Variants in CPNE8 observed in about 807,000 individuals in gnomAD.
CPNE8 encodes copine-8.
A neutral mutation model predicts 81.5 loss-of-function variants in CPNE8; 45 were observed. The observed-to-expected ratio is 0.55, with a 90% CI of 0.44 to 0.71. The LOEUF is 0.71. Ranked by LOEUF, CPNE8 falls within the 30% of genes least tolerant of loss-of-function variation. The probability of loss-of-function intolerance (pLI) is 0.00; values close to 1 mark genes in which losing one functional copy is unlikely to be tolerated. For missense variants in CPNE8, 594 were observed against 672.1 expected, an observed-to-expected ratio of 0.88 and a Z score of 1.28; for synonymous variants, 252 against 226.3, an observed-to-expected ratio of 1.11 and a Z score of -1.02.
intron 13 of CPNE8, among the ~76,000 whole-genome samples, chr12:38,716,740 A>G (rs1940402708): frequency 6.6e-6 from 1 of 152,160 alleles, no homozygotes; most frequent in Non-Finnish European, 1.5e-5. Flanking sequence ...CAAAGAATTC[A>G]TGACTAAGAA....
At chr12:38,668,914 C>A (rs1056390087) in intron 19 of CPNE8, among the ~76,000 whole-genome samples, 4 of 151,846 alleles carry the variant, frequency 2.6e-5, no homozygotes, top group African/African-American at 9.7e-5. Flanking sequence ...ATTAGCTGGG[C>A]ATGGTGGCAG....
intron 18 of CPNE8, among the ~76,000 whole-genome samples, chr12:38,675,174 G>A (rs1450604760): frequency 6.6e-6 from 1 of 152,136 alleles, no homozygotes; most frequent in Non-Finnish European, 1.5e-5. Flanking sequence ...CAGCTGGTCA[G>A]CTCCATTTTC....
chr12:38,711,481 T>C (rs1940256092), intron 13 of CPNE8, among the ~76,000 whole-genome samples: 2 of 152,070 alleles, frequency 1.3e-5, no homozygotes, highest in African/African-American at 2.4e-5. Flanking sequence ...TTTTTTTTTT[T>C]TTTCCAGATG....
intron 6 of CPNE8, among the ~76,000 whole-genome samples, chr12:38,810,710 G>A (rs1315287929): frequency 6.6e-6 from 1 of 152,070 alleles, no homozygotes; most frequent in Non-Finnish European, 1.5e-5. Context: ...ATTTCAGTAG[G>A]ATCAGCTAAG....
chr12:38,812,605 A>G (rs1373670333), intron 6 of CPNE8, among the ~76,000 whole-genome samples: 2 of 152,296 alleles, frequency 1.3e-5, no homozygotes, highest in Admixed American at 6.5e-5. Flanking sequence ...TGTGGGGATT[A>G]CAGGAACTAC....
chr12:38,839,686 A>G (rs943032110), intron 5 of CPNE8, among the ~76,000 whole-genome samples: 2 of 152,254 alleles, frequency 1.3e-5, no homozygotes, highest in African/African-American at 4.8e-5. Flanking sequence ...CTGAAAAAAT[A>G]AAGATTAAAA....
At chr12:38,658,907 T>C (rs1457204610) in intron 19 of CPNE8, among the ~76,000 whole-genome samples, 1 of 152,036 alleles carries the variant, frequency 6.6e-6, no homozygotes, top group Non-Finnish European at 1.5e-5. Context: ...AAACACTAAA[T>C]ATGGAAAGGA....
intron 4 of CPNE8, among the ~76,000 whole-genome samples, chr12:38,845,609 T>C (rs1943544975): frequency 6.6e-6 from 1 of 151,968 alleles, no homozygotes; most frequent in Non-Finnish European, 1.5e-5. Context: ...GTATAATATA[T>C]ATATATATAA....
At chr12:38,798,581 C>T (rs1942566331) in intron 6 of CPNE8, among the ~76,000 whole-genome samples, 1 of 151,972 alleles carries the variant, frequency 6.6e-6, no homozygotes, top group African/African-American at 2.4e-5. Flanking sequence ...CCGGTACCAG[C>T]CACTGCAAAA....
intron 6 of CPNE8, among the ~76,000 whole-genome samples, chr12:38,824,709 G>A (rs1227856242): frequency 1.3e-5 from 2 of 152,126 alleles, no homozygotes; most frequent in African/African-American, 2.4e-5. Flanking sequence ...TAACATTTGG[G>A]ACACAAGAAG....
At chr12:38,697,818 C>A (rs772968992) in intron 14 of CPNE8, among the ~76,000 whole-genome samples, 1 of 152,180 alleles carries the variant, frequency 6.6e-6, no homozygotes, top group Non-Finnish European at 1.5e-5. Context: ...CTCTCTCTCT[C>A]TCTTGCTCCC....
At chr12:38,812,434 T>G (rs1026907744) in intron 6 of CPNE8, among the ~76,000 whole-genome samples, 1 of 152,178 alleles carries the variant, frequency 6.6e-6, no homozygotes, top group African/African-American at 2.4e-5. Context: ...AAACACATCC[T>G]TCTTCACATG....
chr12:38,788,724 C>T (rs372025871), intron 6 of CPNE8, among the ~76,000 whole-genome samples: 1 of 151,290 alleles, frequency 6.6e-6, no homozygotes, highest in African/African-American at 2.4e-5. Context: ...CCTGAAGATG[C>T]CACACAAAAA....
chr12:38,756,995 A>G lies in CPNE8; in HGVS notation c.722+3852T>C, dbSNP rs966980991. ...ATATTCTGGAAACATGGGATTAAATAAAATATATTAGTACATTAATCTCAC... is the reference window on the plus strand; with the variant it reads ...ATATTCTGGAAACATGGGATTAAATGAAATATATTAGTACATTAATCTCAC... On this transcript the variant is annotated intron_variant, in intron 10 of 19. Coordinates refer to ENST00000331366, the MANE Select transcript of CPNE8 (RefSeq NM_153634.3). 2.0e-5 allele frequency among the ~76,000 whole-genome samples: 3 copies of G among 152,202 alleles called. No individual in the cohort carries two copies. The East Asian group carries it at 5.8e-4, about 29-fold the overall frequency.
At chr12:38,676,309 T>G (rs1265879220) in intron 17 of CPNE8, 2 of 984,826 alleles carry the variant, frequency 2.0e-6, no homozygotes, top group Admixed American at 1.2e-4. Context: ...CAGTGGGACA[T>G]TCTTCGGAAA....
chr12:38,675,866 T>C (rs1392622934), intron 17 of CPNE8, 92 bp from the exon 18 acceptor site: 1 of 851,674 alleles, frequency 1.2e-6, no homozygotes, highest in Non-Finnish European at 1.9e-6. Flanking sequence ...ACTCTTGAAA[T>C]CCCAGCACTG....
chr12:38,849,956 G>C (rs1044615699), intron 3 of CPNE8, among the ~76,000 whole-genome samples: 1 of 152,028 alleles, frequency 6.6e-6, no homozygotes, highest in African/African-American at 2.4e-5. Context: ...AGTCACTTTG[G>C]CTACAAAATC....
Position 38,767,652 on chromosome 12 carries a change from T to A in CPNE8, c.558A>T (p.Arg186=), listed in dbSNP as rs1166183568. 6.4e-7 allele frequency: 1 copy of A among 1,561,356 alleles called. No homozygotes were observed. Among genetic ancestry groups the A allele is most frequent in the Admixed American group, 2.0e-5 (1 of 49,806 alleles). The change falls in exon 8 of 20, where the codon CGA becomes CGT. Residue 186 remains arginine, a synonymous_variant. Transcript: ENST00000331366. The part of the protein sequence containing the change: ...GKSDPFLVFY[R]SNEDGSFTIC... Reference sequence around the variant, plus strand: ...AAATCTACCTGCCATCTTCATTACTTCGATAAAATACAAGGAAAGGATCTG... The same window carrying A: ...AAATCTACCTGCCATCTTCATTACTACGATAAAATACAAGGAAAGGATCTG...
chr12:38,833,576 TTG>T (rs1943331915), intron 5 of CPNE8, among the ~76,000 whole-genome samples: 1 of 150,304 alleles, frequency 6.7e-6, no homozygotes, highest in Admixed American at 6.7e-5. Context: ...CTTCCTGGGT[TTG>T]CACCATTCTC....
Sources: allele counts gnomAD v4.1 joint callset (sites outside exome capture counted in the v4.1 genomes callset), GRCh38; gene constraint gnomAD v4.1.1; transcripts MANE v1.5; gene names NCBI Gene and HGNC (gene_info 2026-07-23, HGNC 2026-07-21).